DPY19L3: variants seen among roughly 807,000 people sequenced by gnomAD.
DPY19L3 encodes dpy-19 like C-mannosyltransferase 3, also known as protein C-mannosyl-transferase DPY19L3.
Under a neutral mutation model 92.3 loss-of-function variants are expected in DPY19L3, and 51 were observed. That is an observed-to-expected ratio of 0.55 (90% CI 0.44 to 0.70). DPY19L3 has a LOEUF of 0.70. Ranked by LOEUF, DPY19L3 falls within the 30% of genes least tolerant of loss-of-function variation. The probability of loss-of-function intolerance (pLI) is 0.00; values close to 1 mark genes in which losing one functional copy is unlikely to be tolerated. For synonymous variants in DPY19L3, 309 were observed against 315.2 expected, an observed-to-expected ratio of 0.98 and a Z score of 0.21; for missense variants, 706 against 855.9, an observed-to-expected ratio of 0.82 and a Z score of 2.18.
At chr19:32,456,427 T>G (rs905502399) in intron 10 of DPY19L3, among the ~76,000 whole-genome samples, 11 of 152,012 alleles carry the variant, frequency 7.2e-5, no homozygotes, top group African/African-American at 1.4e-4. Context: ...ATTTTTAAAT[T>G]TCTAAATTTT....
intron 16 of DPY19L3, among the ~76,000 whole-genome samples, chr19:32,469,737 TG>T (rs201304540): frequency 6.6e-6 from 1 of 152,212 alleles, no homozygotes; most frequent in East Asian, 1.9e-4. Flanking sequence ...TTTGTTGTTT[TG>T]CCTCAGCATT....
At chr19:32,477,683 T>G in intron 17 of DPY19L3, 29 bp downstream of exon 17, 1 of 1,613,038 alleles carries the variant, frequency 6.2e-7, no homozygotes, top group African/African-American at 1.3e-5. Context: ...TCCCCTCGCT[T>G]CTTGTGGGCC....
At chr19:32,451,627 A>G (rs1465797045) in intron 8 of DPY19L3, among the ~76,000 whole-genome samples, 8 of 152,188 alleles carry the variant, frequency 5.3e-5, no homozygotes, top group Non-Finnish European at 1.2e-4. Flanking sequence ...TGAGTATGGC[A>G]TTGTCTAATT....
At chr19:32,410,481 A>G (rs1377290025) in intron 2 of DPY19L3, among the ~76,000 whole-genome samples, 1 of 152,210 alleles carries the variant, frequency 6.6e-6, no homozygotes, top group African/African-American at 2.4e-5. Flanking sequence ...GTTTAAAAAA[A>G]AAGTTTTAGG....
At chr19:32,413,290 C>T (rs1183026826) in intron 3 of DPY19L3, 3 of 152,170 alleles carry the variant, frequency 2.0e-5, no homozygotes, top group African/African-American at 7.2e-5. Flanking sequence ...GATTCTCTTA[C>T]TGAAATGAGC....
intron 3 of DPY19L3, among the ~76,000 whole-genome samples, chr19:32,417,752 C>T (rs896962943): frequency 2.0e-5 from 3 of 152,174 alleles, no homozygotes; most frequent in African/African-American, 4.8e-5. Flanking sequence ...AACTGTGACT[C>T]CATTAAACCT....
chr19:32,458,222 A>G, intron 11 of DPY19L3, 49 bp downstream of exon 11: 1 of 1,592,886 alleles, frequency 6.3e-7, no homozygotes, highest in Non-Finnish European at 8.6e-7. Context: ...TTGAATCAGC[A>G]GGGACTTTAA....
chr19:32,455,085 T>C (rs557265939), intron 10 of DPY19L3, 45 bp downstream of exon 10: 2 of 1,213,678 alleles, frequency 1.6e-6, no homozygotes, highest in Admixed American at 5.3e-5. Flanking sequence ...TTAATTAACT[T>C]ATGGCATTGG....
chr19:32,431,855 G>A (rs1968980416), intron 3 of DPY19L3, among the ~76,000 whole-genome samples: 1 of 152,052 alleles, frequency 6.6e-6, no homozygotes, highest in Non-Finnish European at 1.5e-5. Context: ...TAATCATTTT[G>A]TTATACTTAT....
chr19:32,459,251 T>G lies in DPY19L3; in HGVS notation c.1322+742T>G, dbSNP rs936344314. Among the ~76,000 whole-genome samples, 6 of 152,110 alleles carry G rather than the reference T, an allele frequency of 3.9e-5. No individual in the cohort carries two copies. The South Asian group carries it at 6.2e-4, about 16-fold the overall frequency. ...TCTACCCATCAAGCTGCTGGGGGGG[T>G]TTGCATTGACTCTTCGTGTTAAACT... On this transcript the variant is annotated intron_variant, in intron 12 of 18. Coordinates refer to ENST00000392250, the MANE Select transcript of DPY19L3 (RefSeq NM_001172774.2).
At chr19:32,407,021 TATGA>T (rs1967983410) in intron 1 of DPY19L3, among the ~76,000 whole-genome samples, 1 of 147,156 alleles carries the variant, frequency 6.8e-6, no homozygotes, top group African/African-American at 2.5e-5. Context: ...TTTTTTTTGG[TATGA>T]ATGAATACAT....
intron 16 of DPY19L3, among the ~76,000 whole-genome samples, chr19:32,475,655 A>G (rs1281592010): frequency 6.6e-6 from 1 of 152,256 alleles, no homozygotes; most frequent in Non-Finnish European, 1.5e-5. Context: ...AGTGTTTAGT[A>G]AGTGTCAGTT....
At chr19:32,433,125 C>G (rs8107381) in intron 4 of DPY19L3, among the ~76,000 whole-genome samples, 5,537 of 152,188 alleles carry the variant, frequency 0.036, 368 homozygotes, top group Admixed American at 0.17. Flanking sequence ...TGTCTGAGAA[C>G]AGGAGGCATT....
intron 16 of DPY19L3, among the ~76,000 whole-genome samples, chr19:32,473,714 C>A (rs539330952): frequency 5.0e-4 from 76 of 152,188 alleles, no homozygotes; most frequent in Non-Finnish European, 7.5e-4. Flanking sequence ...ACGGAGCTGG[C>A]GTATGAGACA....
At chr19:32,477,280 T>C (rs1970539361) in intron 16 of DPY19L3, among the ~76,000 whole-genome samples, 1 of 151,908 alleles carries the variant, frequency 6.6e-6, no homozygotes, top group Non-Finnish European at 1.5e-5. Flanking sequence ...GTAAAAAACA[T>C]GGGGCTGGTG....
chr19:32,447,640 C>G (rs1243834189), intron 8 of DPY19L3, among the ~76,000 whole-genome samples: 3 of 151,944 alleles, frequency 2.0e-5, no homozygotes, highest in Non-Finnish European at 4.4e-5. Context: ...CACTTGAATC[C>G]AGTAGGCGAA....
intron 16 of DPY19L3, among the ~76,000 whole-genome samples, chr19:32,469,906 T>C (rs1970306755): frequency 6.6e-6 from 1 of 152,216 alleles, no homozygotes; most frequent in Non-Finnish European, 1.5e-5. Context: ...ATTATTCACA[T>C]GTAAATAGAG....
chr19:32,478,261 T>C (rs1970572417), intron 17 of DPY19L3, among the ~76,000 whole-genome samples: 1 of 152,036 alleles, frequency 6.6e-6, no homozygotes, highest in Admixed American at 6.6e-5. Context: ...CCATATCCAC[T>C]AAGGACGTGA....
intron 15 of DPY19L3, 93 bp from the exon 16 acceptor site, chr19:32,468,638 A>G (rs1241784148): frequency 1.2e-5 from 18 of 1,531,058 alleles, no homozygotes; most frequent in East Asian, 4.7e-5. Flanking sequence ...TTCACACATT[A>G]TATGCAGTTT....
Sources: allele counts gnomAD v4.1 joint callset (sites outside exome capture counted in the v4.1 genomes callset), GRCh38; gene constraint gnomAD v4.1.1; transcripts MANE v1.5; gene names NCBI Gene and HGNC (gene_info 2026-07-23, HGNC 2026-07-21).